Variants in CYFIP1 observed in about 807,000 individuals in gnomAD.
CYFIP1 encodes cytoplasmic FMR1-interacting protein 1.
A neutral mutation model predicts 163.5 loss-of-function variants in CYFIP1; 58 were observed. That is an observed-to-expected ratio of 0.35 (90% CI 0.29 to 0.44). The LOEUF is 0.44. Ranked by LOEUF, CYFIP1 falls within the 20% of genes least tolerant of loss-of-function variation. The pLI is 1.00. For synonymous variants in CYFIP1, 663 were observed against 660.7 expected (o/e 1.00, Z -0.05); for missense variants, 1,338 against 1,653.8 (o/e 0.81, Z 3.31).
At chr15:22,958,608 C>T (rs1172112833) in intron 1 of CYFIP1, among the ~76,000 whole-genome samples, 1 of 152,204 alleles carries the variant, frequency 6.6e-6, no homozygotes, top group Non-Finnish European at 1.5e-5. Context: ...CAGGGTCAGG[C>T]TGCCTCTGGG....
Position 22,930,389 on chromosome 15 carries a change from C to CAAAGAAAAAAA in CYFIP1, c.1110+1833_1110+1834insTTTTTTTCTTT, listed in dbSNP as rs869052648. Reference sequence around the variant, plus strand: ...CGACACAGCAAGACTCCGTCTCACCCAAAAAAAAAAAAAAAAAAAAAAACT... The same window carrying CAAAGAAAAAAA: ...CGACACAGCAAGACTCCGTCTCACCCAAAGAAAAAAAAAAAAAAAAAAAAAAAAAAAAAACT... On this transcript the variant is annotated intron_variant, in intron 11 of 30. Transcript: ENST00000617928. Among the ~76,000 whole-genome samples the CAAAGAAAAAAA allele has an allele frequency of 2.6e-3, 296 of 114,044 alleles. 4 individuals are homozygous for CAAAGAAAAAAA. The highest frequency in any genetic ancestry group is 8.6e-3 in the African/African-American group (273 of 31,878). The allele number at this position is 114,044 out of a possible 152,430, so 74.8% of individuals were successfully genotyped here.
intron 1 of CYFIP1, among the ~76,000 whole-genome samples, chr15:22,958,688 C>T (rs985078580): frequency 6.6e-6 from 1 of 152,232 alleles, no homozygotes; most frequent in East Asian, 1.9e-4. Flanking sequence ...CCCTCTGATC[C>T]CCCAGGCACC....
chr15:22,879,837 G>GAAA (rs1363820981), intron 26 of CYFIP1, 76 bp downstream of exon 26: 2 of 1,152,738 alleles, frequency 1.7e-6, no homozygotes, highest in Non-Finnish European at 2.4e-6. Flanking sequence ...ACCCGCCAAA[G>GAAA]AAAGCCCTCC....
chr15:22,917,537 T>C lies in CYFIP1; in HGVS notation c.1674+251A>G, dbSNP rs553945336. 3.6e-6 allele frequency: 2 copies of C among 552,938 alleles called. No homozygotes were observed. Among genetic ancestry groups the C allele is most frequent in the Admixed American group, 7.5e-5 (2 of 26,658 alleles). 34.3% of individuals were successfully genotyped at this position (552,938 alleles called of 1,614,324 possible). On this transcript the variant is annotated intron_variant, in intron 15 of 30. Coordinates refer to ENST00000617928, the MANE Select transcript of CYFIP1 (RefSeq NM_014608.6). This position sits in a 1 kb window ranked among gnomAD's most constrained non-coding sequence, Gnocchi z 4.2. Reference sequence around the variant, plus strand: ...TGGACTTGTGCCCACATTTTTGGGATGGGAGTTGAAATGGAGTCAGACTCC... The same window carrying C: ...TGGACTTGTGCCCACATTTTTGGGACGGGAGTTGAAATGGAGTCAGACTCC...
At chr15:22,956,079 T>C (rs2062439632) in intron 1 of CYFIP1, among the ~76,000 whole-genome samples, 6 of 152,054 alleles carry the variant, frequency 3.9e-5, no homozygotes, top group African/African-American at 1.4e-4. Flanking sequence ...TGGTGGTAGG[T>C]GCCTGTAATC....
chr15:22,958,510 A>T (rs1348599830), intron 1 of CYFIP1, among the ~76,000 whole-genome samples: 1 of 152,238 alleles, frequency 6.6e-6, no homozygotes, highest in Non-Finnish European at 1.5e-5. Flanking sequence ...CTGACATCTA[A>T]AACAGTGTGC....
chr15:22,931,456 T>C (rs1391293642), intron 11 of CYFIP1, among the ~76,000 whole-genome samples: 3 of 152,018 alleles, frequency 2.0e-5, no homozygotes, highest in African/African-American at 7.2e-5. Context: ...CTGGGACGTC[T>C]TCTGACAGCC....
At chr15:22,918,636 C>A in intron 14 of CYFIP1, 56 bp downstream of exon 14, 1 of 1,447,548 alleles carries the variant, frequency 6.9e-7, no homozygotes, top group South Asian at 1.5e-5. Flanking sequence ...TGTTTGAATC[C>A]AAGTTCATCC....
chr15:22,971,897 C>T (rs2063108222), intron 1 of CYFIP1, among the ~76,000 whole-genome samples: 1 of 115,182 alleles, frequency 8.7e-6, no homozygotes, highest in South Asian at 2.6e-4. Context: ...ATAGATAGTA[C>T]CCAAAGCAAT....
Position 22,909,279 on chromosome 15 carries a change from A to T in CYFIP1, c.2303T>A (p.Ile768Asn). The change falls in exon 21 of 31, where the codon ATC (isoleucine) becomes AAC (asparagine). Residue 768 changes from isoleucine to asparagine, a missense_variant. Physicochemically the swap from Ile to Asn is moderately radical, Grantham distance 149 (BLOSUM62 -3). Transcript: ENST00000617928. The stretch of plus-strand genomic sequence containing the variant: ...CATGGCTGCTGAGACGCGCTGGGTG[A>T]TCAGACGATTGAGGTCTATTGATCT... ...LGRSIDLNRL[I>N]TQRVSAAMYK... The T allele has an allele frequency of 1.2e-6, 2 of 1,614,180 alleles. No homozygotes were observed. The highest frequency in any genetic ancestry group is 1.7e-6 in the Non-Finnish European group (2 of 1,180,022).
Position 22,957,567 on chromosome 15 carries a change from C to T in CYFIP1, c.-6-10276G>A, listed in dbSNP as rs550297829. Among the ~76,000 whole-genome samples, 39 of 152,242 alleles carry T rather than the reference C, an allele frequency of 2.6e-4. No homozygotes were observed. In the East Asian group the frequency reaches 4.8e-3, roughly 19 times the overall value. On this transcript the variant is annotated intron_variant, in intron 1 of 30. Coordinates refer to ENST00000617928, the MANE Select transcript of CYFIP1 (RefSeq NM_014608.6). ...AGGAGAATGGCGTGAACCCAGGAGG[C>T]GGAGCTTGCAGTGAGCCGAGATCGT...
chr15:22,940,545 T>C (rs1393412270), intron 6 of CYFIP1, among the ~76,000 whole-genome samples: 1 of 152,182 alleles, frequency 6.6e-6, no homozygotes, highest in Non-Finnish European at 1.5e-5. Flanking sequence ...AGGCAACACC[T>C]GAAGCGGAGC....
chr15:22,871,600 T>TAA (rs931861115), intron 30 of CYFIP1, among the ~76,000 whole-genome samples: 5 of 152,164 alleles, frequency 3.3e-5, no homozygotes, highest in African/African-American at 1.2e-4. Flanking sequence ...CAGGTGTGGC[T>TAA]AAGACTGGAC....
chr15:22,947,868 GA>G, intron 1 of CYFIP1: 1 of 876,188 alleles, frequency 1.1e-6, no homozygotes, highest in Non-Finnish European at 1.4e-6. Context: ...ACCGCAGCTG[GA>G]GCAGAGGTGC....
intron 23 of CYFIP1, among the ~76,000 whole-genome samples, chr15:22,890,977 C>A (rs1445848993): frequency 6.6e-6 from 1 of 152,186 alleles, no homozygotes; most frequent in Non-Finnish European, 1.5e-5. Flanking sequence ...TTTTTCTCCC[C>A]AAGGCAGGCA....
intron 1 of CYFIP1, among the ~76,000 whole-genome samples, chr15:22,978,602 C>T (rs1279610025): frequency 6.6e-6 from 1 of 152,066 alleles, no homozygotes. Context: ...GGGAATTTCA[C>T]TTTTAGTATA....
intron 22 of CYFIP1, among the ~76,000 whole-genome samples, chr15:22,901,739 A>T (rs2060400199): frequency 6.6e-6 from 1 of 152,022 alleles, no homozygotes; most frequent in South Asian, 2.1e-4. Context: ...CTCTCAGAAA[A>T]CCCTCAGGCA....
At chr15:22,897,928 C>T (rs1322111912) in intron 22 of CYFIP1, among the ~76,000 whole-genome samples, 1 of 152,200 alleles carries the variant, frequency 6.6e-6, no homozygotes, top group African/African-American at 2.4e-5. Flanking sequence ...CATGTGGTTT[C>T]AGGAGCTGTT....
intron 1 of CYFIP1, among the ~76,000 whole-genome samples, chr15:22,963,863 G>A (rs1313842709): frequency 2.0e-5 from 3 of 152,122 alleles, no homozygotes; most frequent in African/African-American, 7.2e-5. Flanking sequence ...GCCTTCATGA[G>A]GACGGCTTGT....
Sources: allele counts gnomAD v4.1 joint callset (sites outside exome capture counted in the v4.1 genomes callset), GRCh38; gene constraint gnomAD v4.1.1; non-coding constraint Gnocchi (gnomAD v3.1); transcripts MANE v1.5; gene names NCBI Gene and HGNC (gene_info 2026-07-23, HGNC 2026-07-21).